The following TFF1 variants were observed in gnomAD, a reference collection of about 807,000 sequenced individuals.
The protein encoded by TFF1 is breast cancer estrogen-inducible protein.
Under a neutral mutation model 7.7 loss-of-function variants are expected in TFF1, and 8 were observed. That is an observed-to-expected ratio of 1.04 (90% CI 0.61 to 1.87). TFF1 has a LOEUF of 1.87. Ranked by LOEUF, TFF1 falls within the 40% of genes most tolerant of loss-of-function variation. The pLI is 0.00. For synonymous variants in TFF1, 47 were observed against 44.8 expected (o/e 1.05, Z -0.19); for missense variants, 120 against 113.4 (o/e 1.06, Z -0.26).
chr21:42,364,652 T>TC (rs1367611589), intron 1 of TFF1, among the ~76,000 whole-genome samples: 5 of 152,186 alleles, frequency 3.3e-5, no homozygotes, highest in African/African-American at 1.2e-4. Context: ...CACCCTCCGG[T>TC]CCCTGTCCCT....
Position 42,362,408 on chromosome 21 carries a change from G to T in TFF1, c.*71C>A. ...GAGGTGTCCGGTGGAGGTGGCAGCC[G>T]AGCTCTGGGACTAATCACCGTGCTG... On this transcript the variant is annotated 3_prime_UTR_variant, in exon 3 of 3. Coordinates refer to ENST00000291527, the MANE Select transcript of TFF1 (RefSeq NM_003225.3). 1 of 1,536,088 alleles carries T rather than the reference G, an allele frequency of 6.5e-7. No homozygotes were observed. Among genetic ancestry groups the T allele is most frequent in the Non-Finnish European group, 8.8e-7 (1 of 1,137,842 alleles).
At chr21:42,363,151 G>C (rs2052252611) in intron 2 of TFF1, 104 bp downstream of exon 2, 1 of 1,490,696 alleles carries the variant, frequency 6.7e-7, no homozygotes, top group Non-Finnish European at 9.2e-7. Flanking sequence ...CCGTGACTCT[G>C]TGTAAAGGCA....
In TFF1 at chr21:42,366,519, G is replaced by T; in HGVS notation, c.-24C>A. On this transcript the variant is annotated 5_prime_UTR_variant, in exon 1 of 3. Coordinates refer to ENST00000291527, the MANE Select transcript of TFF1 (RefSeq NM_003225.3). Reference sequence around the variant, plus strand: ...ATTGCCTCCTCTCTGCTCCAAAGGCGACCCCGAGTCAGGGATGAGAGGCCG... The same window carrying T: ...ATTGCCTCCTCTCTGCTCCAAAGGCTACCCCGAGTCAGGGATGAGAGGCCG... The T allele has an allele frequency of 6.3e-7, 1 of 1,595,786 alleles. No individual in the cohort carries two copies. The highest frequency in any genetic ancestry group is 8.6e-7 in the Non-Finnish European group (1 of 1,167,222).
Position 42,362,420 on chromosome 21 carries a change from T to G in TFF1, c.*59A>C. ...GGAGGTGGCAGCCGAGCTCTGGGACTAATCACCGTGCTGGGGACGGCACCG... is the reference window on the plus strand; with the variant it reads ...GGAGGTGGCAGCCGAGCTCTGGGACGAATCACCGTGCTGGGGACGGCACCG... On this transcript the variant is annotated 3_prime_UTR_variant, in exon 3 of 3. Coordinates refer to ENST00000291527, the MANE Select transcript of TFF1 (RefSeq NM_003225.3). The G allele has an allele frequency of 1.3e-6, 2 of 1,553,216 alleles. No individual in the cohort carries two copies. The highest frequency in any genetic ancestry group is 1.7e-6 in the Non-Finnish European group (2 of 1,150,034).
chr21:42,363,394 C>T lies in TFF1; in HGVS notation c.99G>A (p.Val33=). The T allele has an allele frequency of 6.2e-7, 1 of 1,613,888 alleles. No homozygotes were observed. The highest frequency in any genetic ancestry group is 1.3e-5 in the African/African-American group (1 of 74,980). The change falls in exon 2 of 3, where the codon GTG becomes GTA. Residue 33 remains valine (V), a synonymous_variant. Transcript: ENST00000291527. ...CACAATTCTGTCTTTCACGGGGGGCCACTGTACACGTCTCTGAAAGTGCAC... is the reference window on the plus strand; with the variant it reads ...CACAATTCTGTCTTTCACGGGGGGCTACTGTACACGTCTCTGAAAGTGCAC... ...LAEAQTETCT[V]APRERQNCGF...
At chr21:42,366,209 C>T (rs1025234504) in intron 1 of TFF1, among the ~76,000 whole-genome samples, 2 of 152,168 alleles carry the variant, frequency 1.3e-5, no homozygotes, top group Admixed American at 1.3e-4. Flanking sequence ...TCGCACTTCT[C>T]GAAGGTCTCC....
chr21:42,365,341 C>T (rs1224735613), intron 1 of TFF1, among the ~76,000 whole-genome samples: 3 of 152,100 alleles, frequency 2.0e-5, no homozygotes, highest in African/African-American at 7.2e-5. Flanking sequence ...CCACCCAGTT[C>T]GTTCTGTACA....
At position 42,362,327 on chromosome 21, in the gene TFF1, AAGTC is replaced by A. The variant is rs1377004551; in HGVS notation, c.*148_*151del. The A allele has an allele frequency of 2.1e-5, 17 of 802,276 alleles. No homozygotes were observed. The highest frequency in any genetic ancestry group is 2.9e-5 in the Non-Finnish European group (15 of 510,134). 49.7% of individuals were successfully genotyped at this position (802,276 alleles called of 1,614,324 possible). Reference sequence around the variant, plus strand: ...TTTTTAGGCCAATTTTGAGTAGTCAAAGTCAGAGCAGTCAATCTGTGTTGTGAGC... The same window carrying A: ...TTTTTAGGCCAATTTTGAGTAGTCAAAGAGCAGTCAATCTGTGTTGTGAGC... On this transcript the variant is annotated 3_prime_UTR_variant, in exon 3 of 3. Coordinates refer to ENST00000291527, the MANE Select transcript of TFF1 (RefSeq NM_003225.3).
chr21:42,364,909 C>T (rs1263382499), intron 1 of TFF1, among the ~76,000 whole-genome samples: 2 of 152,146 alleles, frequency 1.3e-5, no homozygotes, highest in Admixed American at 6.5e-5. Context: ...AGGTGATCAT[C>T]GCCCACCCCC....
intron 1 of TFF1, among the ~76,000 whole-genome samples, chr21:42,364,709 C>T (rs753992088): frequency 1.1e-4 from 16 of 152,222 alleles, no homozygotes; most frequent in Non-Finnish European, 2.2e-4. Context: ...CACACTGGCT[C>T]AGGTGAGGGC....
chr21:42,365,515 G>T (rs1423118656), intron 1 of TFF1, among the ~76,000 whole-genome samples: 2 of 152,290 alleles, frequency 1.3e-5, no homozygotes, highest in African/African-American at 4.8e-5. Flanking sequence ...CTGGAGGGCA[G>T]TGGGGGCACG....
chr21:42,366,450 A>C lies in TFF1; in HGVS notation c.46T>G (p.Ser16Ala). The C allele has an allele frequency of 6.2e-7, 1 of 1,612,668 alleles. No homozygotes were observed. Among genetic ancestry groups the C allele is most frequent in the South Asian group, 1.1e-5 (1 of 90,984 alleles). The stretch of plus-strand genomic sequence containing the variant: ...GCCAGGGTGCCGAGGGCCAGCATGG[A>C]CACCAGGACCAGGGCGCAGATCACC... The part of the protein sequence containing the change: ...NKVICALVLV[S>A]MLALGTLAEA... The change falls in exon 1 of 3, where the codon TCC becomes GCC. Residue 16 changes from serine (S) to alanine (A), a missense_variant. Physicochemically the swap from Ser to Ala is moderately conservative, Grantham distance 99. Coordinates refer to ENST00000291527, the MANE Select transcript of TFF1 (RefSeq NM_003225.3).
intron 1 of TFF1, among the ~76,000 whole-genome samples, chr21:42,365,673 A>G (rs2052273935): frequency 1.3e-5 from 2 of 152,228 alleles, no homozygotes; most frequent in South Asian, 2.1e-4. Context: ...GCAAAGTGCA[A>G]GTCGCAGATG....
At chr21:42,363,443 G>A (rs1232458607) in intron 1 of TFF1, 36 bp from the exon 2 acceptor site, 1 of 1,598,826 alleles carries the variant, frequency 6.3e-7, no homozygotes, top group Non-Finnish European at 8.5e-7. Flanking sequence ...AGTAAGTTGT[G>A]GGCTGAATTC....
At chr21:42,363,575 G>A (rs896959059) in intron 1 of TFF1, among the ~76,000 whole-genome samples, 168 bp from the exon 2 acceptor site, 8 of 152,234 alleles carry the variant, frequency 5.3e-5, no homozygotes, top group Non-Finnish European at 1.2e-4. Flanking sequence ...ACATCCTGAT[G>A]TGCAAACATT....
In TFF1 at chr21:42,362,475, G is replaced by A; in HGVS notation, c.*4C>T. ...AGGATGCAGGCAGATCCCTGCAGAA[G>A]TGTCTAAAATTCACACTCCTCTACA... On this transcript the variant is annotated 3_prime_UTR_variant, in exon 3 of 3. Coordinates refer to ENST00000291527, the MANE Select transcript of TFF1 (RefSeq NM_003225.3). The A allele has an allele frequency of 1.3e-6, 2 of 1,585,744 alleles. No homozygotes were observed. Among genetic ancestry groups the A allele is most frequent in the Non-Finnish European group, 1.7e-6 (2 of 1,166,096 alleles).
chr21:42,363,269 TC>T lies in TFF1; in HGVS notation c.223del (p.Asp75ThrfsTer21). The T allele has an allele frequency of 1.2e-6, 2 of 1,614,130 alleles. No individual in the cohort carries two copies. The highest frequency in any genetic ancestry group is 1.7e-6 in the Non-Finnish European group (2 of 1,180,026). On this transcript the variant is annotated frameshift_variant, in exon 2 of 3. Coordinates refer to ENST00000291527, the MANE Select transcript of TFF1 (RefSeq NM_003225.3). LOFTEE classifies it high-confidence loss of function. ...AAAGGCCATACCTTCTGGAGGGACG[TC>T]GATGGTATTAGGATAGAAGCACCAG... Reference protein sequence around the residue: ...VPWCFYPNTIDVPPEEECEF With the variant: ...VPWCFYPNTIXVPPEEECEF
At chr21:42,365,234 C>A (rs867014658) in intron 1 of TFF1, among the ~76,000 whole-genome samples, 6 of 146,094 alleles carry the variant, frequency 4.1e-5, no homozygotes, top group African/African-American at 1.5e-4. Context: ...GAGTTTGCCA[C>A]GGCCTCTGTG....
chr21:42,362,444 C>T lies in TFF1; in HGVS notation c.*35G>A, dbSNP rs376794350. 31 of 1,568,460 alleles carry T rather than the reference C, an allele frequency of 2.0e-5. No individual in the cohort carries two copies. Among genetic ancestry groups the T allele is most frequent in the Middle Eastern group, 3.9e-4 (2 of 5,194 alleles). The stretch of plus-strand genomic sequence containing the variant: ...CTAATCACCGTGCTGGGGACGGCAC[C>T]GCGTCAGGATGCAGGCAGATCCCTG... On this transcript the variant is annotated 3_prime_UTR_variant, in exon 3 of 3. Transcript: ENST00000291527.
Sources: allele counts gnomAD v4.1 joint callset (sites outside exome capture counted in the v4.1 genomes callset), GRCh38; gene constraint gnomAD v4.1.1; transcripts MANE v1.5; gene names NCBI Gene and HGNC (gene_info 2026-07-23, HGNC 2026-07-21).